Variants in RPAP2 observed in about 807,000 individuals in gnomAD.
RPAP2 encodes RNA polymerase II associated protein 2.
Under a neutral mutation model 73.1 loss-of-function variants are expected in RPAP2, and 52 were observed. That is an observed-to-expected ratio of 0.71 (90% CI 0.57 to 0.90). The LOEUF (loss-of-function observed/expected upper bound fraction) is 0.90, where lower values mean the gene tolerates loss of function less well. RPAP2 is among the 40% of genes least tolerant of loss of function. The pLI, the probability that RPAP2 is intolerant of heterozygous loss-of-function variation, is 0.00. For synonymous variants in RPAP2, 225 were observed against 242.1 expected, an observed-to-expected ratio of 0.93 and a Z score of 0.65; for missense variants, 598 against 701.8, an observed-to-expected ratio of 0.85 and a Z score of 1.67.
intron 6 of RPAP2, 99 bp from the exon 7 acceptor site, chr1:92,320,500 T>C (rs916990841): frequency 1.2e-5 from 10 of 867,628 alleles, no homozygotes; most frequent in Non-Finnish European, 1.7e-5. Context: ...CTCAATCTCC[T>C]GACCTCGAGA....
chr1:92,384,235 C>T (rs555478384), intron 12 of RPAP2, among the ~76,000 whole-genome samples: 11 of 151,992 alleles, frequency 7.2e-5, no homozygotes, highest in South Asian at 4.2e-4. Flanking sequence ...GGATTACAAG[C>T]GTGAGCCACC....
At chr1:92,309,381 G>A (rs1651443146) in intron 6 of RPAP2, among the ~76,000 whole-genome samples, 2 of 150,924 alleles carry the variant, frequency 1.3e-5, no homozygotes, top group South Asian at 4.2e-4. Flanking sequence ...GGCGGAGGTT[G>A]CAGTGAGCTG....
At chr1:92,383,244 C>T (rs934751291) in intron 12 of RPAP2, among the ~76,000 whole-genome samples, 3 of 152,152 alleles carry the variant, frequency 2.0e-5, no homozygotes, top group Non-Finnish European at 2.9e-5. Context: ...ATTGACTTGG[C>T]AATGCAGGCT....
intron 12 of RPAP2, among the ~76,000 whole-genome samples, chr1:92,383,821 G>C (rs1045208990): frequency 2.0e-5 from 3 of 152,126 alleles, no homozygotes; most frequent in African/African-American, 7.2e-5. Flanking sequence ...AGTGGTGAGA[G>C]AGGGCATCCC....
At chr1:92,345,215 C>T (rs1355135567) in intron 10 of RPAP2, among the ~76,000 whole-genome samples, 2 of 151,446 alleles carry the variant, frequency 1.3e-5, no homozygotes, top group Non-Finnish European at 2.9e-5. Context: ...AATTGCTTAC[C>T]TTAAGCCAGA....
At chr1:92,354,580 G>A (rs74101129) in intron 11 of RPAP2, among the ~76,000 whole-genome samples, 1 of 152,166 alleles carries the variant, frequency 6.6e-6, no homozygotes, top group African/African-American at 2.4e-5. Context: ...CCTTATTAAT[G>A]GGTAAACCTA....
At chr1:92,337,588 T>C (rs1423485565) in intron 10 of RPAP2, among the ~76,000 whole-genome samples, 1 of 152,166 alleles carries the variant, frequency 6.6e-6, no homozygotes, top group Admixed American at 6.5e-5. Flanking sequence ...ACTATAGATG[T>C]CTTAAAACAT....
intron 12 of RPAP2, 47 bp downstream of exon 12, chr1:92,380,920 C>T (rs1655600915): frequency 6.9e-7 from 1 of 1,443,332 alleles, no homozygotes; most frequent in Non-Finnish European, 9.2e-7. Context: ...TCATTTGTTG[C>T]CTATGTGGAT....
intron 6 of RPAP2, among the ~76,000 whole-genome samples, 157 bp from the exon 7 acceptor site, chr1:92,320,442 T>G (rs1202406143): frequency 6.6e-6 from 1 of 152,022 alleles, no homozygotes; most frequent in African/African-American, 2.4e-5. Context: ...CCAGCTAATT[T>G]TTGTATTTTT....
intron 12 of RPAP2, among the ~76,000 whole-genome samples, chr1:92,382,728 A>C (rs1429959877): frequency 2.0e-5 from 3 of 152,044 alleles, no homozygotes; most frequent in Non-Finnish European, 4.4e-5. Flanking sequence ...TTGCCTGTTC[A>C]CTCTGATGGT....
intron 6 of RPAP2, among the ~76,000 whole-genome samples, chr1:92,317,614 G>A (rs1651998178): frequency 6.6e-6 from 1 of 152,160 alleles, no homozygotes; most frequent in Non-Finnish European, 1.5e-5. Context: ...TGCTGGAGAT[G>A]CATGGTGGCG....
intron 11 of RPAP2, among the ~76,000 whole-genome samples, chr1:92,373,482 C>G (rs72720457): frequency 1.3e-5 from 2 of 151,820 alleles, no homozygotes; most frequent in Non-Finnish European, 2.9e-5. Context: ...TAGATCAGCC[C>G]GTGAATATCC....
At chr1:92,328,797 T>C (rs926810337) in intron 8 of RPAP2, among the ~76,000 whole-genome samples, 3 of 152,220 alleles carry the variant, frequency 2.0e-5, no homozygotes, top group Non-Finnish European at 4.4e-5. Flanking sequence ...GATCTGGGAC[T>C]CAAGGGCTGC....
chr1:92,334,811 C>T (rs1653179524), intron 9 of RPAP2, among the ~76,000 whole-genome samples: 1 of 151,928 alleles, frequency 6.6e-6, no homozygotes, highest in Non-Finnish European at 1.5e-5. Flanking sequence ...ACGGTGAAAC[C>T]CCATCTCTAC....
At chr1:92,365,264 C>T (rs1483817873) in intron 11 of RPAP2, among the ~76,000 whole-genome samples, 1 of 152,118 alleles carries the variant, frequency 6.6e-6, no homozygotes, top group Non-Finnish European at 1.5e-5. Context: ...CCGATTTCTT[C>T]CAAAAGTGTA....
chr1:92,300,941 A>G (rs183524220), intron 2 of RPAP2, among the ~76,000 whole-genome samples: 16 of 152,358 alleles, frequency 1.1e-4, no homozygotes, highest in Admixed American at 1.0e-3. Context: ...ATACATAATT[A>G]CAAATTGTGA....
At chr1:92,362,979 T>C (rs764786317) in intron 11 of RPAP2, among the ~76,000 whole-genome samples, 1 of 152,184 alleles carries the variant, frequency 6.6e-6, no homozygotes, top group Non-Finnish European at 1.5e-5. Context: ...TAAGTGCCAC[T>C]AGCTAATTCT....
At chr1:92,304,203 A>T in intron 4 of RPAP2, 81 bp from the exon 5 acceptor site, 1 of 1,130,356 alleles carries the variant, frequency 8.8e-7, no homozygotes, top group Non-Finnish European at 1.3e-6. Context: ...ATGATATGAT[A>T]TGTAGATGAC....
At chr1:92,346,485 C>T (rs1571102105) in intron 11 of RPAP2, among the ~76,000 whole-genome samples, 1 of 152,222 alleles carries the variant, frequency 6.6e-6, no homozygotes, top group East Asian at 1.9e-4. Context: ...TGGAAAGAGA[C>T]AAATATCCTC....
Sources: allele counts gnomAD v4.1 joint callset (sites outside exome capture counted in the v4.1 genomes callset), GRCh38; gene constraint gnomAD v4.1.1; transcripts MANE v1.5; gene names NCBI Gene and HGNC (gene_info 2026-07-23, HGNC 2026-07-21).